Variants in AOPEP observed in about 807,000 individuals in gnomAD.
AOPEP encodes aminopeptidase O.
Under a neutral mutation model 98.1 loss-of-function variants are expected in AOPEP, and 77 were observed. The observed-to-expected ratio is 0.78, with a 90% confidence interval of 0.65 to 0.95. The LOEUF (loss-of-function observed/expected upper bound fraction) is 0.95, where lower values mean the gene tolerates loss of function less well. Ranked by LOEUF, AOPEP falls within the 40% of genes least tolerant of loss-of-function variation. The pLI, the probability that AOPEP is intolerant of heterozygous loss-of-function variation, is 0.00. For missense variants in AOPEP, 1,024 were observed against 1,024.7 expected (o/e 1.00, Z 0.01); for synonymous variants, 346 against 365.3 (o/e 0.95, Z 0.60).
intron 6 of AOPEP, among the ~76,000 whole-genome samples, chr9:94,925,990 AC>A (rs1464063416): frequency 6.6e-6 from 1 of 152,216 alleles, no homozygotes; most frequent in Admixed American, 6.5e-5. Context: ...CCTCCGTCTT[AC>A]ACACAGGCAT....
At chr9:94,978,850 C>T (rs1014372460) in intron 10 of AOPEP, among the ~76,000 whole-genome samples, 3 of 151,840 alleles carry the variant, frequency 2.0e-5, no homozygotes, top group Admixed American at 6.6e-5. Flanking sequence ...GAACGGGGCC[C>T]GGTTGAAAGG....
At position 94,824,375 on chromosome 9, in the gene AOPEP, C is replaced by T. The variant is rs1210004096; in HGVS notation, c.1364+23373C>T. ...GAGGACCCTTTGAGATGATTACCAT[C>T]GTTGTAGGTATAGCTTGATGTATTC... is the stretch of plus-strand genomic sequence containing the variant. On this transcript the variant is annotated intron_variant, in intron 5 of 16. Coordinates refer to ENST00000375315, the MANE Select transcript of AOPEP (RefSeq NM_001193329.3). 7 of 152,198 alleles carry T rather than the reference C, an allele frequency of 4.6e-5. No individual in the cohort carries two copies. The East Asian group carries it at 7.7e-4, about 17-fold the overall frequency. The allele number at this position is 152,198 out of a possible 1,614,324, so 9.4% of individuals were successfully genotyped here.
the AOPEP span, among the ~76,000 whole-genome samples, chr9:95,116,507 A>C: frequency 6.6e-6 from 1 of 152,208 alleles, no homozygotes; most frequent in Non-Finnish European, 1.5e-5. Context: ...GTCTCAGAAA[A>C]AAGGCAGGCC....
chr9:95,143,241 C>T, the AOPEP span, among the ~76,000 whole-genome samples: 1 of 152,194 alleles, frequency 6.6e-6, no homozygotes, highest in African/African-American at 2.4e-5. Context: ...AGGCCCTCTC[C>T]AGGCACGTCA....
intron 14 of AOPEP, among the ~76,000 whole-genome samples, chr9:95,074,172 T>C (rs2068803104): frequency 6.6e-6 from 1 of 152,138 alleles, no homozygotes; most frequent in African/African-American, 2.4e-5. Flanking sequence ...CATGTCTGCT[T>C]GGGCCTCCTA....
chr9:95,080,820 C>A, intron 15 of AOPEP, 40 bp downstream of exon 15: 2 of 1,344,708 alleles, frequency 1.5e-6, no homozygotes, highest in Non-Finnish European at 2.1e-6. Context: ...TCTGTAAAGG[C>A]TGTCCCTGCA....
At chr9:95,094,705 T>C in the AOPEP span, among the ~76,000 whole-genome samples, 8 of 152,236 alleles carry the variant, frequency 5.3e-5, no homozygotes, top group African/African-American at 1.7e-4. Flanking sequence ...CTCACTCTGC[T>C]GCCCAAGTGG....
the AOPEP span, among the ~76,000 whole-genome samples, chr9:95,115,338 TTTC>T: frequency 3.9e-5 from 6 of 152,168 alleles, no homozygotes. Context: ...ATGCCCTAGG[TTTC>T]TTCTTTTCTA....
Position 95,078,320 on chromosome 9 carries a change from C to G in AOPEP, c.2233-2374C>G, listed in dbSNP as rs147659964. Among the ~76,000 whole-genome samples, 1,059 of 152,240 alleles carry G rather than the reference C, an allele frequency of 7.0e-3. 9 individuals carry two copies. Among genetic ancestry groups the G allele is most frequent in the Admixed American group, 0.018 (281 of 15,294 alleles). The stretch of plus-strand genomic sequence containing the variant: ...AGCCCCAGTTTATGCTTCGTTGTTT[C>G]TGTGTGTGTAAATAAGATGAAGGAA... On this transcript the variant is annotated intron_variant, in intron 14 of 16. Coordinates refer to ENST00000375315, the MANE Select transcript of AOPEP (RefSeq NM_001193329.3).
intron 3 of AOPEP, among the ~76,000 whole-genome samples, chr9:94,784,111 T>G (rs561099420): frequency 2.0e-5 from 3 of 152,306 alleles, no homozygotes; most frequent in African/African-American, 7.2e-5. Flanking sequence ...CAATAACTCT[T>G]TAATATGAGA....
rs549387014 is a variant in AOPEP at position 94,972,060 on chromosome 9, A to G, written c.1916+4259A>G. On this transcript the variant is annotated intron_variant, in intron 10 of 16. Coordinates refer to ENST00000375315, the MANE Select transcript of AOPEP (RefSeq NM_001193329.3). This position sits in a 1 kb window ranked among gnomAD's most constrained non-coding sequence, Gnocchi z 4.2. ...GACTGGAAGCCAGGAAAACAATTAG[A>G]AACCAATAGAGCGGTTCAGTCAAGA... Among the ~76,000 whole-genome samples, 3 of 152,316 alleles carry G rather than the reference A, an allele frequency of 2.0e-5. No individual in the cohort carries two copies. The highest frequency in any genetic ancestry group is 4.1e-4 in the South Asian group (2 of 4,828).
At chr9:94,979,245 GTA>G in intron 10 of AOPEP, 120 bp from the exon 11 acceptor site, 1 of 636,138 alleles carries the variant, frequency 1.6e-6, no homozygotes, top group Non-Finnish European at 2.8e-6. Flanking sequence ...TGCCCTTTCT[GTA>G]AAGCACGGGC....
chr9:95,138,826 A>G, the AOPEP span, among the ~76,000 whole-genome samples: 7 of 152,212 alleles, frequency 4.6e-5, no homozygotes, highest in Non-Finnish European at 8.8e-5. Context: ...ACTCAAGCAC[A>G]CGAGTCACAC....
chr9:94,855,520 C>T (rs1438787976), intron 5 of AOPEP, among the ~76,000 whole-genome samples: 2 of 152,036 alleles, frequency 1.3e-5, no homozygotes, highest in Non-Finnish European at 2.9e-5. Context: ...GAAACCCTGT[C>T]TCTACTGAAA....
chr9:95,059,227 G>T (rs2067104499), intron 13 of AOPEP, among the ~76,000 whole-genome samples: 1 of 152,216 alleles, frequency 6.6e-6, no homozygotes, highest in African/African-American at 2.4e-5. Context: ...AGTGCTGATT[G>T]TACTGCAGTT....
chr9:94,862,793 G>A (rs1203502249), intron 5 of AOPEP, among the ~76,000 whole-genome samples: 2 of 152,160 alleles, frequency 1.3e-5, no homozygotes, highest in South Asian at 2.1e-4. Flanking sequence ...GGTGGTGCGT[G>A]TTTGTCCTTT....
chr9:94,817,261 T>A (rs997199542), intron 5 of AOPEP, among the ~76,000 whole-genome samples: 27 of 152,284 alleles, frequency 1.8e-4, no homozygotes, highest in African/African-American at 5.5e-4. Flanking sequence ...TGCCTTGGCC[T>A]CCCACAGTGC....
At chr9:94,739,176 T>C (rs1465115459) in intron 1 of AOPEP, among the ~76,000 whole-genome samples, 1 of 152,158 alleles carries the variant, frequency 6.6e-6, no homozygotes, top group East Asian at 1.9e-4. Flanking sequence ...CTCCTGGAAT[T>C]CTGTATTTCC....
At chr9:94,995,778 T>C (rs1289598666) in intron 11 of AOPEP, among the ~76,000 whole-genome samples, 1 of 152,240 alleles carries the variant, frequency 6.6e-6, no homozygotes, top group Non-Finnish European at 1.5e-5. Context: ...ATAAATTAAC[T>C]GGGTGGTAGG....
Sources: allele counts gnomAD v4.1 joint callset (sites outside exome capture counted in the v4.1 genomes callset), GRCh38; gene constraint gnomAD v4.1.1; non-coding constraint Gnocchi (gnomAD v3.1); transcripts MANE v1.5; gene names NCBI Gene and HGNC (gene_info 2026-07-23, HGNC 2026-07-21).